The following ATP7B variants were observed in gnomAD, a reference collection of about 807,000 sequenced individuals.
ATP7B encodes the protein copper-transporting ATPase 2.
A neutral mutation model predicts 118.9 loss-of-function variants in ATP7B; 113 were observed. That is an observed-to-expected ratio of 0.95 (90% CI 0.82 to 1.11). The LOEUF (loss-of-function observed/expected upper bound fraction) is 1.11, where lower values mean the gene tolerates loss of function less well. Among genes scored for constraint, ATP7B ranks in the 50% most tolerant of loss-of-function variants. The pLI is 0.00. For synonymous variants in ATP7B, 777 were observed against 727.4 expected, an observed-to-expected ratio of 1.07 and a Z score of -1.10; for missense variants, 1,867 against 1,871.4, an observed-to-expected ratio of 1.00 and a Z score of 0.04.
In ATP7B at chr13:51,934,582, G is replaced by T; in HGVS notation, c.*174C>A. The stretch of plus-strand genomic sequence containing the variant: ...GGCAGGGCCGTCCTCTCCAGGCCAA[G>T]CCCAGCTGCACCCAGACAAGGCCGC... On this transcript the variant is annotated 3_prime_UTR_variant, in exon 21 of 21. Transcript: ENST00000242839. 1 of 1,090,208 alleles carries T rather than the reference G, an allele frequency of 9.2e-7. No individual in the cohort carries two copies. Among genetic ancestry groups the T allele is most frequent in the Non-Finnish European group, 1.3e-6 (1 of 755,448 alleles). The allele number at this position is 1,090,208 out of a possible 1,614,324, so 67.5% of individuals were successfully genotyped here.
Position 51,958,451 on chromosome 13 carries a change from T to C in ATP7B, c.2215A>G (p.Ile739Val), listed in dbSNP as rs1469592954. The change falls in exon 8 of 21, where the codon ATT (isoleucine) becomes GTT (valine). Residue 739 changes from isoleucine to valine, a missense_variant. By Grantham distance (29) the Ile-to-Val change is conservative. Coordinates refer to ENST00000242839, the MANE Select transcript of ATP7B (RefSeq NM_000053.4). ...ATGACCAGAGAATAAACATAAGCAA[T>C]GCTTGTGGCCAGGACGATGAGCACG... ...MDVLIVLATS[I>V]AYVYSLVILV... 8 of 1,614,098 alleles carry C rather than the reference T, an allele frequency of 5.0e-6. No individual in the cohort carries two copies. The Admixed American group carries it at 5.0e-5, about 10-fold the overall frequency.
chr13:51,995,229 C>G lies in ATP7B; in HGVS notation c.51+16058G>C, dbSNP rs77358107. On this transcript the variant is annotated intron_variant, in intron 1 of 20. Transcript: ENST00000242839. ...CCCCAGACCTCTCCCCAATATCCCA[C>G]ACAAGAGACATGGAGAGAAACCTCC... 549 of 922,850 alleles carry G rather than the reference C, an allele frequency of 5.9e-4. 12 individuals carry two copies. In the East Asian group the frequency reaches 0.051, roughly 86 times the overall value. 57.2% of individuals were successfully genotyped at this position (922,850 alleles called of 1,614,324 possible).
intron 2 of ATP7B, among the ~76,000 whole-genome samples, chr13:51,971,654 T>C (rs1417420728): frequency 1.3e-5 from 2 of 152,260 alleles, no homozygotes; most frequent in Non-Finnish European, 2.9e-5. Context: ...GTTTTCCTTA[T>C]TGATTTTTGT....
chr13:52,010,780 G>A (rs1199513738), intron 1 of ATP7B, among the ~76,000 whole-genome samples: 1 of 152,212 alleles, frequency 6.6e-6, no homozygotes, highest in Non-Finnish European at 1.5e-5. Context: ...ACATATGTAC[G>A]TGAATAGAAA....
rs121907990 is a variant in ATP7B at position 51,937,570 on chromosome 13, T to C, written c.3809A>G (p.Asn1270Ser). ...KKVAMVGDGV[N>S]DSPALAQADM... ...TGCCTGGGCCAAGGCCGGGGAGTCA[T>C]TGACCCCATCCCCCACCATGGCGAC... is the stretch of plus-strand genomic sequence containing the variant. Residue 1270 changes from asparagine to serine, a missense_variant, in exon 18 of 21, where the codon AAT (asparagine) becomes AGT (serine). Physicochemically the swap from Asn to Ser is conservative, Grantham distance 46. Coordinates refer to ENST00000242839, the MANE Select transcript of ATP7B (RefSeq NM_000053.4). 1.4e-4 allele frequency: 231 copies of C among 1,614,122 alleles called. 1 individual carries two copies. The highest frequency in any genetic ancestry group is 1.3e-3 in the Admixed American group (77 of 60,008).
Position 51,974,173 on chromosome 13 carries a change from T to G in ATP7B, c.1047A>C (p.Pro349=), listed in dbSNP as rs1341550458. The G allele has an allele frequency of 1.2e-6, 2 of 1,606,924 alleles. No homozygotes were observed. Among genetic ancestry groups the G allele is most frequent in the Non-Finnish European group, 1.7e-6 (2 of 1,177,666 alleles). The change falls in exon 2 of 21, where the codon CCA becomes CCC. Residue 349 remains proline, a synonymous_variant. Coordinates refer to ENST00000242839, the MANE Select transcript of ATP7B (RefSeq NM_000053.4). ...ATGTGCCCTGGACCTGGTTTCTCGG[T>G]GGGGAGCCAGGGGAATGAGAACTGG... is the stretch of plus-strand genomic sequence containing the variant. The part of the protein sequence containing the change: ...RSSSSHSPGS[P]PRNQVQGTCS...
At chr13:51,978,517 C>A (rs565349560) in intron 1 of ATP7B, among the ~76,000 whole-genome samples, 1 of 152,174 alleles carries the variant, frequency 6.6e-6, no homozygotes, top group African/African-American at 2.4e-5. Context: ...AAGAATTTAC[C>A]CAATAAATAT....
chr13:51,950,056 G>A lies in ATP7B; in HGVS notation c.2681C>T (p.Thr894Ile), dbSNP rs1340729837. The A allele has an allele frequency of 6.2e-7, 1 of 1,614,162 alleles. No individual in the cohort carries two copies. The highest frequency in any genetic ancestry group is 1.7e-5 in the Admixed American group (1 of 60,028). ...LIKATHVGNDTTLAQIVKLVE... is the reference protein window; with the variant it reads ...LIKATHVGNDITLAQIVKLVE... ...CAGTTTCACAATCTGAGCCAAAGTG[G>A]TGTCATTGCCCACGTGGGTAGCTTT... The change falls in exon 11 of 21, where the codon ACC (threonine) becomes ATC (isoleucine). Residue 894 changes from threonine (T) to isoleucine (I), a missense_variant. Thr to Ile is a moderately conservative substitution (Grantham distance 89). Coordinates refer to ENST00000242839, the MANE Select transcript of ATP7B (RefSeq NM_000053.4).
chr13:51,975,473 T>C (rs927823751), intron 1 of ATP7B: 10 of 555,074 alleles, frequency 1.8e-5, no homozygotes, highest in Admixed American at 5.7e-5. Flanking sequence ...ACATATGGAA[T>C]GCAGCACGGC....
intron 5 of ATP7B, 44 bp downstream of exon 5, chr13:51,964,828 C>G: frequency 6.3e-7 from 1 of 1,596,540 alleles, no homozygotes; most frequent in East Asian, 2.2e-5. Context: ...TTATATATTA[C>G]TGTTTTTAAA....
chr13:51,973,125 TAAC>T (rs1951922001), intron 2 of ATP7B, among the ~76,000 whole-genome samples: 1 of 152,190 alleles, frequency 6.6e-6, no homozygotes, highest in South Asian at 2.1e-4. Flanking sequence ...ATCCTTTCCT[TAAC>T]TCTCATTTTT....
At chr13:51,965,231 G>C (rs778277212) in intron 4 of ATP7B, among the ~76,000 whole-genome samples, 198 bp from the exon 5 acceptor site, 37 of 152,328 alleles carry the variant, frequency 2.4e-4, no homozygotes, top group South Asian at 6.2e-4. Context: ...CTAAAGAGTA[G>C]CTCTTCCCCA....
intron 5 of ATP7B, 55 bp downstream of exon 5, chr13:51,964,817 A>G: frequency 8.8e-6 from 14 of 1,584,126 alleles, no homozygotes; most frequent in Non-Finnish European, 1.1e-5. Context: ...TTCTTCACTG[A>G]TTATATATTA....
chr13:51,961,696 G>A (rs1958754318), intron 6 of ATP7B, 141 bp downstream of exon 6: 16 of 811,156 alleles, frequency 2.0e-5, no homozygotes, highest in South Asian at 1.7e-4. Flanking sequence ...CACTGTTTCA[G>A]AGGGTTCACA....
Position 51,946,349 on chromosome 13 carries a change from T to A in ATP7B, c.2995A>T (p.Thr999Ser). The change falls in exon 13 of 21, where the codon ACC becomes TCC. Residue 999 changes from threonine (T) to serine (S), a missense_variant. Coordinates refer to ENST00000242839, the MANE Select transcript of ATP7B (RefSeq NM_000053.4). ...ATGCCGTTCTGCGCGGCCACCCCGGTGCCCACCATGACAGCCGTGGGCGTG... is the reference window on the plus strand; with the variant it reads ...ATGCCGTTCTGCGCGGCCACCCCGGAGCCCACCATGACAGCCGTGGGCGTG... ...LATPTAVMVG[T>S]GVAAQNGILI... The A allele has an allele frequency of 6.2e-7, 1 of 1,612,070 alleles. No homozygotes were observed. Among genetic ancestry groups the A allele is most frequent in the Non-Finnish European group, 8.5e-7 (1 of 1,179,514 alleles).
At position 51,957,683 on chromosome 13, in the gene ATP7B, G is replaced by A. The variant is rs150872958; in HGVS notation, c.2356-76C>T. On this transcript the variant is annotated intron_variant, in intron 8 of 20. Coordinates refer to ENST00000242839, the MANE Select transcript of ATP7B (RefSeq NM_000053.4). The stretch of plus-strand genomic sequence containing the variant: ...CAAACCCAGCCTGAGAGTCACAAGC[G>A]TGGTGTTAGAGACAGCTGGTGCGAG... The A allele has an allele frequency of 3.7e-4, 523 of 1,431,302 alleles. 1 individual carries two copies. The highest frequency in any genetic ancestry group is 3.1e-4 in the Non-Finnish European group (316 of 1,015,780). 88.7% of individuals were successfully genotyped at this position (1,431,302 alleles called of 1,614,324 possible). A position where few individuals can be genotyped will look rare whatever the true frequency, so the allele number is the denominator to read the frequency against.
chr13:51,977,193 C>T (rs1420360294), intron 1 of ATP7B, among the ~76,000 whole-genome samples: 5 of 150,934 alleles, frequency 3.3e-5, no homozygotes, highest in African/African-American at 9.8e-5. Flanking sequence ...ATTAATTAAC[C>T]TCAGCTTGCT....
At chr13:51,957,175 T>C (rs1222482904) in intron 9 of ATP7B, among the ~76,000 whole-genome samples, 1 of 152,224 alleles carries the variant, frequency 6.6e-6, no homozygotes, top group Non-Finnish European at 1.5e-5. Flanking sequence ...CTTATCTCTC[T>C]GCCTGTCTGA....
intron 2 of ATP7B, among the ~76,000 whole-genome samples, chr13:51,973,249 A>G (rs1465242410): frequency 1.3e-5 from 2 of 152,226 alleles, no homozygotes; most frequent in Non-Finnish European, 2.9e-5. Flanking sequence ...ATGGTCCCAC[A>G]GTGCTCTATT....
Sources: gnomAD v4.1 joint callset for allele counts (sites outside exome capture counted in the v4.1 genomes callset) on GRCh38, gnomAD v4.1.1 for gene constraint, MANE v1.5 for transcripts, NCBI Gene and HGNC (gene_info 2026-07-23, HGNC 2026-07-21) for gene names.